FGF18: variants seen among roughly 807,000 people sequenced by gnomAD.
FGF18 encodes fibroblast growth factor 18.
In FGF18, 5 loss-of-function variants were observed where a neutral mutation model predicts 23.0. That is an observed-to-expected ratio of 0.22 (90% CI 0.11 to 0.46). FGF18 has a LOEUF of 0.46. Among genes scored for constraint, FGF18 ranks in the 20% least tolerant of loss-of-function variants. The pLI is 0.99. For synonymous variants in FGF18, 117 were observed against 118.9 expected (o/e 0.98, Z 0.10); for missense variants, 180 against 291.6 (o/e 0.62, Z 2.79).
Position 171,434,548 on chromosome 5 carries a change from G to A in FGF18, c.70-1545G>A, listed in dbSNP as rs921318094. Among the ~76,000 whole-genome samples, 6 of 152,194 alleles carry A rather than the reference G, an allele frequency of 3.9e-5. No individual in the cohort carries two copies. The highest frequency in any genetic ancestry group is 1.4e-4 in the African/African-American group (6 of 41,458). ...GTCCCTTGTGCCTAGCATTGTGATA[G>A]ACTTTGTGGGCACACAGGGAACAAA... On this transcript the variant is annotated intron_variant, in intron 2 of 4. Transcript: ENST00000274625. This position sits in a 1 kb window ranked among gnomAD's most constrained non-coding sequence, Gnocchi z 4.6.
In FGF18 at chr5:171,428,945, A is replaced by G. The variant is rs377009685; in HGVS notation, c.70-7148A>G. Among the ~76,000 whole-genome samples the G allele has an allele frequency of 2.6e-5, 4 of 152,310 alleles. No homozygotes were observed. The East Asian group carries it at 7.7e-4, about 29-fold the overall frequency. On this transcript the variant is annotated intron_variant, in intron 2 of 4. Transcript: ENST00000274625. ...GGCCGACCCTCGGGCCCAACCCCCC[A>G]TCCTGCAGTGCCCCCCTCCCCTGCT... is the stretch of plus-strand genomic sequence containing the variant.
intron 3 of FGF18, among the ~76,000 whole-genome samples, chr5:171,444,193 G>T (rs1182665044): frequency 6.6e-6 from 1 of 152,152 alleles, no homozygotes; most frequent in African/African-American, 2.4e-5. Context: ...AGAAAGTGGG[G>T]TCAAAGAGAA....
chr5:171,440,219 G>T lies in FGF18; in HGVS notation c.250+3946G>T, dbSNP rs915021362. ...ATCACCACCTGACCTCCTTACTATG[G>T]GTGTGTGGGGGGGGGTGGTGCCATC... On this transcript the variant is annotated intron_variant, in intron 3 of 4. Transcript: ENST00000274625. This position sits in a 1 kb window ranked among gnomAD's most constrained non-coding sequence, Gnocchi z 4.0. Among the ~76,000 whole-genome samples the T allele has an allele frequency of 2.8e-4, 35 of 123,218 alleles. No individual in the cohort carries two copies. The highest frequency in any genetic ancestry group is 1.1e-3 in the African/African-American group (35 of 32,010). 80.8% of individuals were successfully genotyped at this position (123,218 alleles called of 152,430 possible). A position where few individuals can be genotyped will look rare whatever the true frequency, so the allele number is the denominator to read the frequency against.
intron 2 of FGF18, among the ~76,000 whole-genome samples, chr5:171,428,467 A>G (rs1034304200): frequency 9.2e-5 from 14 of 152,194 alleles, no homozygotes; most frequent in African/African-American, 3.4e-4. Context: ...TGGCCTGGGT[A>G]GATGTTTCAC....
At chr5:171,422,266 C>T (rs13184754) in intron 2 of FGF18, among the ~76,000 whole-genome samples, 1 of 152,086 alleles carries the variant, frequency 6.6e-6, no homozygotes, top group South Asian at 2.1e-4. Flanking sequence ...TGGGAAAGAG[C>T]TGGGTGGTCT....
At chr5:171,420,370 A>G (rs1194243348) in intron 1 of FGF18, 37 bp from the exon 2 acceptor site, 9 of 1,611,578 alleles carry the variant, frequency 5.6e-6, no homozygotes, top group Non-Finnish European at 5.9e-6. Context: ...CCCCTTCCTC[A>G]GGTCCCACTG....
At chr5:171,446,265 C>T (rs1039309824) in intron 3 of FGF18, among the ~76,000 whole-genome samples, 1 of 152,084 alleles carries the variant, frequency 6.6e-6, no homozygotes, top group Non-Finnish European at 1.5e-5. Flanking sequence ...CAACCTCTGC[C>T]CCAGGCCCTT....
chr5:171,456,469 TC>T lies in FGF18; in HGVS notation c.358-68del. On this transcript the variant is annotated intron_variant, in intron 4 of 4. Coordinates refer to ENST00000274625, the MANE Select transcript of FGF18 (RefSeq NM_003862.3). The surrounding 1 kb of genome is among the most constrained non-coding windows in gnomAD (Gnocchi z 6.1). ...ATCGCAATGGTCCTGAATAAAACCT[TC>T]CTCGCTGTGCTTTGGCAAGCATAAC... 1 of 1,509,564 alleles carries T rather than the reference TC, an allele frequency of 6.6e-7. No individual in the cohort carries two copies. The highest frequency in any genetic ancestry group is 1.4e-5 in the African/African-American group (1 of 72,260). The allele number at this position is 1,509,564 out of a possible 1,614,324, so 93.5% of individuals were successfully genotyped here. A position where few individuals can be genotyped will look rare whatever the true frequency, so the allele number is the denominator to read the frequency against.
At position 171,420,185 on chromosome 5, in the gene FGF18, C is replaced by G; in HGVS notation, c.-15C>G. 2 of 1,540,236 alleles carry G rather than the reference C, an allele frequency of 1.3e-6. No homozygotes were observed. The highest frequency in any genetic ancestry group is 1.7e-6 in the Non-Finnish European group (2 of 1,147,862). ...CAGGCTGGGCTAGGAGCCGCCGCCT[C>G]CCTCCCGCCCAGCGATGTATTCAGC... On this transcript the variant is annotated 5_prime_UTR_variant, in exon 1 of 5. Coordinates refer to ENST00000274625, the MANE Select transcript of FGF18 (RefSeq NM_003862.3).
At position 171,451,741 on chromosome 5, in the gene FGF18, C is replaced by T. The variant is rs535414061; in HGVS notation, c.357+2488C>T. Among the ~76,000 whole-genome samples, 6 of 152,318 alleles carry T rather than the reference C, an allele frequency of 3.9e-5. No homozygotes were observed. The South Asian group carries it at 1.2e-3, about 32-fold the overall frequency. ...CCGGGCACATGGATTCCTTATGCTC[C>T]AGATGCGTGGCACTGAGCACCGCTG... On this transcript the variant is annotated intron_variant, in intron 4 of 4. Transcript: ENST00000274625. This position sits in a 1 kb window ranked among gnomAD's most constrained non-coding sequence, Gnocchi z 4.5.
At chr5:171,422,376 CAA>C (rs2113324868) in intron 2 of FGF18, among the ~76,000 whole-genome samples, 1 of 152,220 alleles carries the variant, frequency 6.6e-6, no homozygotes, top group South Asian at 2.1e-4. Context: ...TTTCTGCATC[CAA>C]AGTGCCATAA....
intron 4 of FGF18, 147 bp downstream of exon 4, chr5:171,449,400 T>TGAGA (rs112415649): frequency 2.5e-4 from 89 of 363,196 alleles, no homozygotes; most frequent in South Asian, 5.3e-4. Flanking sequence ...TGTGTGTGTG[T>TGAGA]GAGAGAGAGA....
rs766926286 is a variant in FGF18 at position 171,443,500 on chromosome 5, C to CTTTTTTTTTTTTT, written c.251-5647_251-5646insTTTTTTTTTTTTT. 5.5e-3 allele frequency among the ~76,000 whole-genome samples: 389 copies of CTTTTTTTTTTTTT among 70,118 alleles called. 74 individuals are homozygous for CTTTTTTTTTTTTT. The highest frequency in any genetic ancestry group is 0.031 in the Middle Eastern group (3 of 96). The allele number at this position is 70,118 out of a possible 152,430, so 46.0% of individuals were successfully genotyped here. On this transcript the variant is annotated intron_variant, in intron 3 of 4. Coordinates refer to ENST00000274625, the MANE Select transcript of FGF18 (RefSeq NM_003862.3). ...TCAGATAAGTATTCACTGTTATCAT[C>CTTTTTTTTTTTTT]ATTTTTTTTTTTTTTTTTTTTTTTT...
At chr5:171,446,970 C>T (rs191702558) in intron 3 of FGF18, among the ~76,000 whole-genome samples, 231 of 152,154 alleles carry the variant, frequency 1.5e-3, no homozygotes, top group African/African-American at 5.3e-3. Flanking sequence ...GCAGACACAT[C>T]CGATATCCTT....
Position 171,430,469 on chromosome 5 carries a change from C to A in FGF18, c.70-5624C>A, listed in dbSNP as rs80035898. On this transcript the variant is annotated intron_variant, in intron 2 of 4. Transcript: ENST00000274625. ...CAGAGGAAGTGCTCAACACACAATG[C>A]CTGATTAAGAAACAAAACTAAACTA... Among the ~76,000 whole-genome samples the A allele has an allele frequency of 7.7e-4, 117 of 151,578 alleles. No individual in the cohort carries two copies. The East Asian group carries it at 0.02, about 26-fold the overall frequency.
At chr5:171,439,317 T>C (rs546855787) in intron 3 of FGF18, among the ~76,000 whole-genome samples, 19 of 152,316 alleles carry the variant, frequency 1.2e-4, no homozygotes, top group African/African-American at 4.6e-4. Context: ...TTAGGGGTTC[T>C]GAGAGTGGGC....
In FGF18 at chr5:171,440,316, C is replaced by T. The variant is rs1237136388; in HGVS notation, c.250+4043C>T. ...TCCAGAAAGGACCTGAGGGAAGAAG[C>T]GGTACTCCTGTCTGCTGTCAGTGGG... On this transcript the variant is annotated intron_variant, in intron 3 of 4. Transcript: ENST00000274625. This position sits in a 1 kb window ranked among gnomAD's most constrained non-coding sequence, Gnocchi z 4.0. 2.0e-5 allele frequency among the ~76,000 whole-genome samples: 3 copies of T among 151,968 alleles called. No individual in the cohort carries two copies. The highest frequency in any genetic ancestry group is 7.3e-5 in the African/African-American group (3 of 41,362).
chr5:171,443,500 C>CTTTTTTTTTTTTTT lies in FGF18; in HGVS notation c.251-5647_251-5646insTTTTTTTTTTTTTT, dbSNP rs766926286. Reference sequence around the variant, plus strand: ...TCAGATAAGTATTCACTGTTATCATCATTTTTTTTTTTTTTTTTTTTTTTT... The same window carrying CTTTTTTTTTTTTTT: ...TCAGATAAGTATTCACTGTTATCATCTTTTTTTTTTTTTTATTTTTTTTTTTTTTTTTTTTTTTT... On this transcript the variant is annotated intron_variant, in intron 3 of 4. Transcript: ENST00000274625. Among the ~76,000 whole-genome samples the CTTTTTTTTTTTTTT allele has an allele frequency of 2.9e-3, 200 of 70,042 alleles. 35 individuals carry two copies. The highest frequency in any genetic ancestry group is 0.01 in the Middle Eastern group (1 of 98). The allele number at this position is 70,042 out of a possible 152,430, so 46.0% of individuals were successfully genotyped here. A position where few individuals can be genotyped will look rare whatever the true frequency, so the allele number is the denominator to read the frequency against.
intron 3 of FGF18, among the ~76,000 whole-genome samples, chr5:171,443,967 A>G (rs143301150): frequency 1.3e-3 from 199 of 151,294 alleles, no homozygotes; most frequent in African/African-American, 4.7e-3. Flanking sequence ...CTCTTGTTTC[A>G]TGCAGCCTTT....
Sources: gnomAD v4.1 joint callset for allele counts (sites outside exome capture counted in the v4.1 genomes callset) on GRCh38, gnomAD v4.1.1 for gene constraint, Gnocchi (gnomAD v3.1) non-coding constraint, MANE v1.5 for transcripts, NCBI Gene and HGNC (gene_info 2026-07-23, HGNC 2026-07-21) for gene names.